The following FOCAD variants were observed in gnomAD, a reference collection of about 807,000 sequenced individuals.
FOCAD encodes the protein KIAA1797.
In FOCAD, 198 loss-of-function variants were observed where a neutral mutation model predicts 225.6. That is an observed-to-expected ratio of 0.88 (90% CI 0.78 to 0.99). The LOEUF (loss-of-function observed/expected upper bound fraction) is 0.99, where lower values mean the gene tolerates loss of function less well. Ranked by LOEUF, FOCAD falls within the 50% of genes least tolerant of loss-of-function variation. The pLI is 0.00. For synonymous variants in FOCAD, 897 were observed against 755.0 expected, an observed-to-expected ratio of 1.19 and a Z score of -3.08; for missense variants, 2,713 against 2,123.6, an observed-to-expected ratio of 1.28 and a Z score of -5.46.
At chr9:20,952,948 G>C in intron 34 of FOCAD, 37 bp from the exon 35 acceptor site, 1 of 1,538,744 alleles carries the variant, frequency 6.5e-7, no homozygotes, top group East Asian at 2.3e-5. Flanking sequence ...GTCCTGCCAA[G>C]TTCACTGGTT....
At chr9:20,697,599 A>G (rs994312354) in intron 1 of FOCAD, among the ~76,000 whole-genome samples, 1 of 152,250 alleles carries the variant, frequency 6.6e-6, no homozygotes, top group Admixed American at 6.5e-5. Flanking sequence ...TGTCTGTTCA[A>G]ATGTCACTAT....
At position 20,929,725 on chromosome 9, in the gene FOCAD, C is replaced by G. The variant is rs185308640; in HGVS notation, c.3317+129C>G. On this transcript the variant is annotated intron_variant, in intron 27 of 43. Coordinates refer to ENST00000338382, the MANE Select transcript of FOCAD (RefSeq NM_001375567.1). The stretch of plus-strand genomic sequence containing the variant: ...TGTTTGCTAAACTTTCTGAGATGGG[C>G]AAGTTGATCCTTTATTCTTCTTTAG... 2.6e-3 allele frequency: 1,749 copies of G among 678,856 alleles called. 9 individuals carry two copies. Among genetic ancestry groups the G allele is most frequent in the Non-Finnish European group, 3.6e-3 (1,445 of 397,056 alleles). The allele number at this position is 678,856 out of a possible 1,614,324, so 42.1% of individuals were successfully genotyped here.
At chr9:20,911,959 A>G (rs1251265398) in intron 22 of FOCAD, among the ~76,000 whole-genome samples, 2 of 152,186 alleles carry the variant, frequency 1.3e-5, no homozygotes, top group African/African-American at 2.4e-5. Flanking sequence ...CTAGTAAACA[A>G]TGAAATAACA....
chr9:20,993,351 T>C, intron 43 of FOCAD, 23 bp downstream of exon 43: 1 of 1,585,414 alleles, frequency 6.3e-7, no homozygotes, highest in Non-Finnish European at 8.7e-7. Flanking sequence ...TGTTTTATGC[T>C]CAACATAGGG....
chr9:20,665,377 G>A (rs1162643184), intron 2 of FOCAD, among the ~76,000 whole-genome samples: 1 of 152,084 alleles, frequency 6.6e-6, no homozygotes, highest in Non-Finnish European at 1.5e-5. Context: ...GGACAATAAA[G>A]CCCAACTCTT....
rs1333381356 is a variant in FOCAD at position 20,990,314 on chromosome 9, C to T, written c.5196C>T (p.Leu1732=). ...TCACTCTGCAGGAGGTTCTCACTCT[C>T]CTTCCCAATAGCATGGCTCTGCTGC... is the stretch of plus-strand genomic sequence containing the variant. ...HRVTLQEVLT[L]LPNSMALLLQ... The change falls in exon 42 of 44, where the codon CTC becomes CTT. Residue 1732 remains leucine (L), a synonymous_variant. Coordinates refer to ENST00000338382, the MANE Select transcript of FOCAD (RefSeq NM_001375567.1). 2.4e-5 allele frequency: 38 copies of T among 1,613,988 alleles called. No homozygotes were observed. The highest frequency in any genetic ancestry group is 3.0e-5 in the Non-Finnish European group (35 of 1,180,026).
upstream of FOCAD, among the ~76,000 whole-genome samples, chr9:20,680,955 G>A (rs1241926186): frequency 1.3e-5 from 2 of 152,130 alleles, no homozygotes; most frequent in African/African-American, 4.8e-5. Context: ...CTATGATCGT[G>A]TCACTGTACC....
intron 42 of FOCAD, among the ~76,000 whole-genome samples, chr9:20,990,975 T>A (rs777485986): frequency 3.3e-5 from 5 of 152,200 alleles, no homozygotes; most frequent in Non-Finnish European, 7.3e-5. Flanking sequence ...AGTATCACCC[T>A]TGCCCTCAGG....
chr9:20,727,183 T>C (rs184409446), intron 4 of FOCAD, among the ~76,000 whole-genome samples: 12 of 151,918 alleles, frequency 7.9e-5, no homozygotes, highest in Admixed American at 7.3e-4. Context: ...TCCCCAATCC[T>C]TTTTTTTCCC....
intron 21 of FOCAD, among the ~76,000 whole-genome samples, chr9:20,900,799 A>C (rs1396180960): frequency 6.6e-6 from 1 of 151,944 alleles, no homozygotes; most frequent in Non-Finnish European, 1.5e-5. Context: ...ATTAAATAAC[A>C]GAATAAATGG....
intron 36 of FOCAD, 152 bp from the exon 37 acceptor site, chr9:20,978,187 A>G (rs1840374763): frequency 3.8e-6 from 2 of 527,288 alleles, no homozygotes; most frequent in East Asian, 6.4e-5. Flanking sequence ...CCTCATAACT[A>G]ACAAGTCTCT....
intron 33 of FOCAD, among the ~76,000 whole-genome samples, chr9:20,949,908 A>G (rs751616786): frequency 7.2e-5 from 11 of 152,100 alleles, no homozygotes; most frequent in South Asian, 2.1e-4. Flanking sequence ...TTAAGTTGGC[A>G]TTGGTTTTTC....
intron 2 of FOCAD, among the ~76,000 whole-genome samples, chr9:20,669,533 G>T (rs757888225): frequency 6.6e-6 from 1 of 152,150 alleles, no homozygotes; most frequent in African/African-American, 2.4e-5. Flanking sequence ...CCAGCAGTTT[G>T]GGAGGCCGAG....
At chr9:20,673,852 G>T (rs756234759) in intron 2 of FOCAD, among the ~76,000 whole-genome samples, 1 of 152,196 alleles carries the variant, frequency 6.6e-6, no homozygotes, top group African/African-American at 2.4e-5. Context: ...GATTACAGGC[G>T]TGAGCCACCA....
chr9:20,926,153 G>A (rs370981704), intron 25 of FOCAD, 148 bp from the exon 26 acceptor site: 31 of 583,642 alleles, frequency 5.3e-5, no homozygotes, highest in African/African-American at 4.3e-4. Flanking sequence ...TACCTCATAC[G>A]TGCATGCTTA....
chr9:20,746,459 A>G (rs575805681), intron 5 of FOCAD, among the ~76,000 whole-genome samples: 37 of 152,218 alleles, frequency 2.4e-4, no homozygotes, highest in African/African-American at 8.4e-4. Flanking sequence ...CATTAAAAAC[A>G]TTTCTTTTTA....
intron 25 of FOCAD, among the ~76,000 whole-genome samples, chr9:20,924,340 A>G (rs1834744112): frequency 6.6e-6 from 1 of 152,200 alleles, no homozygotes; most frequent in Non-Finnish European, 1.5e-5. Flanking sequence ...AGATGACATA[A>G]CTGAGTCGTT....
At chr9:20,663,506 C>T (rs913559497) in intron 2 of FOCAD, among the ~76,000 whole-genome samples, 27 of 151,606 alleles carry the variant, frequency 1.8e-4, no homozygotes, top group African/African-American at 6.6e-4. Context: ...CACACACACA[C>T]ATACACACAG....
chr9:20,785,173 A>G (rs745833049), intron 10 of FOCAD, among the ~76,000 whole-genome samples: 1 of 152,220 alleles, frequency 6.6e-6, no homozygotes, highest in South Asian at 2.1e-4. Context: ...TAACTGAGGC[A>G]TAAAGAAGGT....
Sources: gnomAD v4.1 joint callset for allele counts (sites outside exome capture counted in the v4.1 genomes callset) on GRCh38, gnomAD v4.1.1 for gene constraint, MANE v1.5 for transcripts, NCBI Gene and HGNC (gene_info 2026-07-23, HGNC 2026-07-21) for gene names.